The following DPP10 variants were observed in gnomAD, a reference collection of about 807,000 sequenced individuals.
DPP10 encodes dipeptidyl peptidase like 10.
In DPP10, 33 loss-of-function variants were observed where a neutral mutation model predicts 120.9. That is an observed-to-expected ratio of 0.27 (90% confidence interval 0.21 to 0.37). DPP10 has a LOEUF of 0.37. Ranked by LOEUF, DPP10 falls within the 10% of genes least tolerant of loss-of-function variation. The pLI is 1.00. For synonymous variants in DPP10, 337 were observed against 326.1 expected, an observed-to-expected ratio of 1.03 and a Z score of -0.36; for missense variants, 816 against 942.8, an observed-to-expected ratio of 0.87 and a Z score of 1.76.
intron 12 of DPP10, among the ~76,000 whole-genome samples, chr2:115,765,406 T>C (rs1005848504): frequency 6.6e-6 from 1 of 152,154 alleles, no homozygotes; most frequent in Non-Finnish European, 1.5e-5. Context: ...TATTCATCTA[T>C]TCACCAATTA....
intron 1 of DPP10, among the ~76,000 whole-genome samples, chr2:114,530,668 C>T (rs1320634379): frequency 1.3e-5 from 2 of 152,084 alleles, no homozygotes; most frequent in East Asian, 1.9e-4. Flanking sequence ...GCTCTGCTGA[C>T]CTGAGCTCAT....
intron 1 of DPP10, among the ~76,000 whole-genome samples, chr2:114,526,525 A>C (rs1300103543): frequency 1.3e-5 from 2 of 152,188 alleles, no homozygotes; most frequent in African/African-American, 4.8e-5. Context: ...GCCCTAGGTC[A>C]CTGAGGCAGT....
At chr2:115,088,591 C>CAT (rs1161939299) in intron 1 of DPP10, among the ~76,000 whole-genome samples, 1 of 151,610 alleles carries the variant, frequency 6.6e-6, no homozygotes, top group Non-Finnish European at 1.5e-5. Context: ...TACACATGGG[C>CAT]ATCACCATGC....
At chr2:115,193,842 C>A (rs1179329311) in intron 1 of DPP10, among the ~76,000 whole-genome samples, 1 of 152,072 alleles carries the variant, frequency 6.6e-6, no homozygotes, top group Non-Finnish European at 1.5e-5. Context: ...CGGGAGGAAC[C>A]ATCTATAAAT....
At chr2:115,169,065 G>T (rs2053116798) in intron 1 of DPP10, among the ~76,000 whole-genome samples, 1 of 152,118 alleles carries the variant, frequency 6.6e-6, no homozygotes, top group Admixed American at 6.5e-5. Context: ...ATTGCCAAAT[G>T]ATTTTCAAAT....
In DPP10 at chr2:114,957,144, C is replaced by G. The variant is rs544877837; in HGVS notation, c.61-352095C>G. On this transcript the variant is annotated intron_variant, in intron 1 of 25. Transcript: ENST00000410059. ...GAAATAATAGAGTGAAAAAACAACC[C>G]AGGAATTGGGAGAAAATATTTGCAA... Among the ~76,000 whole-genome samples, 18 of 151,680 alleles carry G rather than the reference C, an allele frequency of 1.2e-4. No homozygotes were observed. The South Asian group carries it at 3.7e-3, about 32-fold the overall frequency.
intron 1 of DPP10, among the ~76,000 whole-genome samples, chr2:114,831,380 C>T (rs1353093142): frequency 2.0e-5 from 3 of 152,066 alleles, no homozygotes; most frequent in Non-Finnish European, 2.9e-5. Context: ...ATGAACAGAA[C>T]CCCCAAACTG....
chr2:114,898,249 C>G (rs1464283886), intron 1 of DPP10, among the ~76,000 whole-genome samples: 1 of 144,522 alleles, frequency 6.9e-6, no homozygotes, highest in African/African-American at 2.6e-5. Context: ...ATCGCAAGGA[C>G]AAAAAACCAA....
intron 1 of DPP10, among the ~76,000 whole-genome samples, chr2:114,588,555 G>A (rs1258933754): frequency 6.6e-6 from 1 of 152,162 alleles, no homozygotes; most frequent in African/African-American, 2.4e-5. Context: ...TTGAGGTGGT[G>A]AGTATGCTAC....
chr2:115,422,273 C>T (rs941757725), intron 3 of DPP10, among the ~76,000 whole-genome samples: 1 of 152,174 alleles, frequency 6.6e-6, no homozygotes. Context: ...CAACATAGAA[C>T]TCTGGAGTTT....
chr2:115,823,691 A>G (rs1307150236), intron 21 of DPP10, among the ~76,000 whole-genome samples: 2 of 151,732 alleles, frequency 1.3e-5, no homozygotes, highest in Non-Finnish European at 2.9e-5. Flanking sequence ...TGTTTTATTT[A>G]TTTGTTTGGT....
intron 5 of DPP10, among the ~76,000 whole-genome samples, chr2:115,552,120 A>G (rs942983939): frequency 3.7e-4 from 56 of 152,290 alleles, no homozygotes; most frequent in Admixed American, 9.2e-4. Flanking sequence ...CTTTTTATCA[A>G]TGAAACAAAG....
chr2:114,552,793 A>G (rs1181706710), intron 1 of DPP10, among the ~76,000 whole-genome samples: 1 of 152,014 alleles, frequency 6.6e-6, no homozygotes, highest in Non-Finnish European at 1.5e-5. Flanking sequence ...TGATCCACCC[A>G]CCTTCGCCTC....
intron 1 of DPP10, among the ~76,000 whole-genome samples, chr2:114,826,747 C>T (rs1178018088): frequency 6.6e-6 from 1 of 152,122 alleles, no homozygotes; most frequent in Non-Finnish European, 1.5e-5. Context: ...CCAGGCTGGT[C>T]CCATCCTCTT....
chr2:114,686,740 A>G (rs1390030908), intron 1 of DPP10, among the ~76,000 whole-genome samples: 1 of 151,946 alleles, frequency 6.6e-6, no homozygotes, highest in Non-Finnish European at 1.5e-5. Context: ...CTGAGCCAGG[A>G]AAAAACGCAA....
chr2:115,019,206 T>C (rs1032366703), intron 1 of DPP10, among the ~76,000 whole-genome samples: 6 of 152,134 alleles, frequency 3.9e-5, no homozygotes, highest in Admixed American at 1.3e-4. Flanking sequence ...GTGATTTTTT[T>C]CAAAAAAGTC....
At chr2:115,089,811 A>T (rs1434428952) in intron 1 of DPP10, among the ~76,000 whole-genome samples, 1 of 152,252 alleles carries the variant, frequency 6.6e-6, no homozygotes, top group Non-Finnish European at 1.5e-5. Context: ...TGCAGTCTGC[A>T]CTTTCATGTT....
intron 1 of DPP10, among the ~76,000 whole-genome samples, chr2:115,067,601 C>T (rs145116118): frequency 0.019 from 2,784 of 144,616 alleles, 49 homozygotes; most frequent in Middle Eastern, 0.036. Context: ...CGGTGGCTCA[C>T]GCCTTTGATC....
intron 5 of DPP10, among the ~76,000 whole-genome samples, chr2:115,563,652 T>G (rs1298037791): frequency 6.6e-6 from 1 of 152,202 alleles, no homozygotes; most frequent in Non-Finnish European, 1.5e-5. Context: ...AGTGGGCACT[T>G]GATACATGTT....
Sources: allele counts gnomAD v4.1 joint callset (sites outside exome capture counted in the v4.1 genomes callset), GRCh38; gene constraint gnomAD v4.1.1; transcripts MANE v1.5; gene names NCBI Gene and HGNC (gene_info 2026-07-23, HGNC 2026-07-21).